KIFAP3: variants seen among roughly 807,000 people sequenced by gnomAD.
KIFAP3 encodes the protein kinesin associated protein 3, also known as kinesin-associated protein 3.
Under a neutral mutation model 106.5 loss-of-function variants are expected in KIFAP3, and 68 were observed. The ratio of observed to expected loss-of-function variants is 0.64; its 90% CI spans 0.53 to 0.78. KIFAP3 has a LOEUF of 0.78. KIFAP3 is among the 30% of genes least tolerant of loss of function. The pLI is 0.00. For missense variants in KIFAP3, 780 were observed against 941.8 expected (o/e 0.83, Z 2.25); for synonymous variants, 320 against 311.5 (o/e 1.03, Z -0.29).
At chr1:170,004,359 T>C (rs1667828041) in intron 10 of KIFAP3, among the ~76,000 whole-genome samples, 1 of 152,094 alleles carries the variant, frequency 6.6e-6, no homozygotes, top group African/African-American at 2.4e-5. Context: ...AAAACTACTT[T>C]AAAGTTCATA....
intron 19 of KIFAP3, among the ~76,000 whole-genome samples, chr1:169,925,118 T>C (rs537108845): frequency 6.6e-6 from 1 of 152,300 alleles, no homozygotes; most frequent in East Asian, 1.9e-4. Context: ...TTCTTGCTAC[T>C]CCTAACCCAC....
chr1:170,004,919 C>A (rs1203993611), intron 10 of KIFAP3, among the ~76,000 whole-genome samples: 3 of 151,828 alleles, frequency 2.0e-5, no homozygotes. Context: ...AGTGAACAGG[C>A]AACCTACAGA....
chr1:170,034,530 G>T (rs765601311), intron 6 of KIFAP3, 34 bp from the exon 7 acceptor site: 3 of 1,206,890 alleles, frequency 2.5e-6, no homozygotes, highest in Admixed American at 2.6e-5. Flanking sequence ...ATATTTAAAA[G>T]AATACATTTT....
upstream of KIFAP3, among the ~76,000 whole-genome samples, chr1:170,074,963 A>ATT (rs1671869322): frequency 6.6e-6 from 1 of 152,232 alleles, no homozygotes; most frequent in Admixed American, 6.5e-5. Flanking sequence ...TCCAGCTAAT[A>ATT]AGGGAGGTTT....
At chr1:169,966,017 C>A (rs1665596261) in intron 17 of KIFAP3, among the ~76,000 whole-genome samples, 1 of 151,794 alleles carries the variant, frequency 6.6e-6, no homozygotes, top group Non-Finnish European at 1.5e-5. Flanking sequence ...TTGTATAGAA[C>A]CAGTGCATCT....
chr1:169,939,916 C>G (rs940818521), intron 19 of KIFAP3, among the ~76,000 whole-genome samples: 1 of 152,066 alleles, frequency 6.6e-6, no homozygotes, highest in Non-Finnish European at 1.5e-5. Context: ...ACATGCAAGT[C>G]TTTTGAGAAG....
chr1:169,942,439 T>A (rs141164560), intron 19 of KIFAP3, among the ~76,000 whole-genome samples: 73 of 152,344 alleles, frequency 4.8e-4, no homozygotes, highest in Middle Eastern at 6.8e-3. Flanking sequence ...CTTCCAAGTT[T>A]GGCCTGCAAC....
chr1:170,008,008 T>A (rs1443289316), intron 10 of KIFAP3, among the ~76,000 whole-genome samples: 1 of 151,868 alleles, frequency 6.6e-6, no homozygotes, highest in African/African-American at 2.4e-5. Context: ...GACAAAAACA[T>A]ACAATGGGGA....
At chr1:170,069,483 G>A (rs1671597419) in intron 1 of KIFAP3, among the ~76,000 whole-genome samples, 1 of 151,950 alleles carries the variant, frequency 6.6e-6, no homozygotes, top group Admixed American at 6.6e-5. Context: ...GAATACAGGA[G>A]TATATTAAAA....
intron 1 of KIFAP3, among the ~76,000 whole-genome samples, chr1:170,058,859 C>A (rs1484205864): frequency 6.6e-6 from 1 of 151,930 alleles, no homozygotes; most frequent in Non-Finnish European, 1.5e-5. Flanking sequence ...ATTTAGTAGT[C>A]CATTCCCATC....
At chr1:169,978,553 T>C (rs758234365) in intron 15 of KIFAP3, among the ~76,000 whole-genome samples, 4 of 152,184 alleles carry the variant, frequency 2.6e-5, no homozygotes, top group East Asian at 3.9e-4. Flanking sequence ...TGTTAAACTT[T>C]ACAGATTGCA....
chr1:170,037,028 A>G (rs1669725806), intron 5 of KIFAP3, among the ~76,000 whole-genome samples: 1 of 152,216 alleles, frequency 6.6e-6, no homozygotes, highest in Admixed American at 6.5e-5. Flanking sequence ...GGGGCAAAAG[A>G]AAGCAATTTG....
intron 19 of KIFAP3, among the ~76,000 whole-genome samples, chr1:169,941,747 AAC>A (rs1664132728): frequency 6.6e-6 from 1 of 152,194 alleles, no homozygotes; most frequent in Non-Finnish European, 1.5e-5. Flanking sequence ...TCCAGTTGCC[AAC>A]CACAAAAACA....
At chr1:170,061,250 T>G (rs999920122) in intron 1 of KIFAP3, among the ~76,000 whole-genome samples, 14 of 152,166 alleles carry the variant, frequency 9.2e-5, no homozygotes, top group African/African-American at 3.4e-4. Flanking sequence ...AGAAAATTTT[T>G]GCAATCTACC....
intron 16 of KIFAP3, among the ~76,000 whole-genome samples, chr1:169,974,807 T>C (rs528940940): frequency 8.6e-5 from 13 of 152,002 alleles, no homozygotes; most frequent in African/African-American, 2.9e-4. Flanking sequence ...ATAAAAATTA[T>C]TAGAAAAATC....
At chr1:169,999,444 T>A (rs1667551415) in intron 10 of KIFAP3, among the ~76,000 whole-genome samples, 1 of 152,204 alleles carries the variant, frequency 6.6e-6, no homozygotes, top group African/African-American at 2.4e-5. Context: ...GTCAGCATGC[T>A]GGCACAGCAC....
Position 170,039,221 on chromosome 1 carries a change from A to G in KIFAP3, c.375+12T>C, listed in dbSNP as rs1286726173. The G allele has an allele frequency of 6.4e-7, 1 of 1,550,560 alleles. No homozygotes were observed. Among genetic ancestry groups the G allele is most frequent in the Non-Finnish European group, 8.8e-7 (1 of 1,131,966 alleles). Reference sequence around the variant, plus strand: ...CCAGTCCTCTATTAGATCAGAATGCATGCAGTCTTACCTCCATTCCTTCAA... The same window carrying G: ...CCAGTCCTCTATTAGATCAGAATGCGTGCAGTCTTACCTCCATTCCTTCAA... On this transcript the variant is annotated intron_variant, in intron 4 of 19. Coordinates refer to ENST00000361580, the MANE Select transcript of KIFAP3 (RefSeq NM_014970.4).
chr1:170,032,412 G>T (rs12122885), intron 7 of KIFAP3, among the ~76,000 whole-genome samples: 9,535 of 151,754 alleles, frequency 0.063, 383 homozygotes, highest in Non-Finnish European at 0.095. Flanking sequence ...TCAGACAGAT[G>T]CCCAGAATAT....
At chr1:169,990,032 T>A in intron 11 of KIFAP3, 1 of 1,545,332 alleles carries the variant, frequency 6.5e-7, no homozygotes, top group South Asian at 1.2e-5. Context: ...AATTATGGAA[T>A]TATGCTTTGT....
Sources: allele counts gnomAD v4.1 joint callset (sites outside exome capture counted in the v4.1 genomes callset), GRCh38; gene constraint gnomAD v4.1.1; transcripts MANE v1.5; gene names NCBI Gene and HGNC (gene_info 2026-07-23, HGNC 2026-07-21).